The following EFCAB6 variants were observed in gnomAD, a reference collection of about 807,000 sequenced individuals.
The protein encoded by EFCAB6 is EF-hand calcium binding domain 6.
Under a neutral mutation model 169.8 loss-of-function variants are expected in EFCAB6, and 156 were observed. The ratio of observed to expected loss-of-function variants is 0.92; its 90% confidence interval spans 0.81 to 1.05. The LOEUF (loss-of-function observed/expected upper bound fraction) is 1.05. Ranked by LOEUF, EFCAB6 falls within the 50% of genes least tolerant of loss-of-function variation. EFCAB6 has a pLI of 0.00. For synonymous variants in EFCAB6, 698 were observed against 676.4 expected (o/e 1.03, Z -0.50); for missense variants, 1,800 against 1,829.1 (o/e 0.98, Z 0.29).
chr22:43,798,216 T>C (rs1362609017), intron 2 of EFCAB6, among the ~76,000 whole-genome samples: 1 of 152,116 alleles, frequency 6.6e-6, no homozygotes, highest in Non-Finnish European at 1.5e-5. Flanking sequence ...AAACCCCATC[T>C]CTACTAAAAA....
At chr22:43,785,535 T>A (rs1481503209) in intron 2 of EFCAB6, among the ~76,000 whole-genome samples, 11 of 150,054 alleles carry the variant, frequency 7.3e-5, no homozygotes, top group Admixed American at 6.8e-5. Context: ...AATTTGTAGA[T>A]GTTAATGCCT....
At chr22:43,649,110 GA>G (rs1319092749) in intron 17 of EFCAB6, among the ~76,000 whole-genome samples, 1 of 152,178 alleles carries the variant, frequency 6.6e-6, no homozygotes, top group Non-Finnish European at 1.5e-5. Flanking sequence ...GCCCGAGGGG[GA>G]AAAAAGTCCC....
At chr22:43,693,346 CT>C (rs1366180192) in intron 10 of EFCAB6, among the ~76,000 whole-genome samples, 3 of 151,802 alleles carry the variant, frequency 2.0e-5, no homozygotes, top group Non-Finnish European at 1.5e-5. Flanking sequence ...CCTGTATGGT[CT>C]TTCTCCCCAG....
rs183930763 is a variant in EFCAB6, at chr22:43,745,236, C to T, written c.508-9243G>A. Among the ~76,000 whole-genome samples, 12 of 152,268 alleles carry T rather than the reference C, an allele frequency of 7.9e-5. 1 individual carries two copies. Among genetic ancestry groups the T allele is most frequent in the Admixed American group, 7.9e-4 (12 of 15,284 alleles). On this transcript the variant is annotated intron_variant, in intron 6 of 31. Coordinates refer to ENST00000262726, the MANE Select transcript of EFCAB6 (RefSeq NM_022785.4). ...TGTGAACTCAAATAAATCTGACCAC[C>T]CAGGCTTTAAAGAAGATGAGAAAAG...
Position 43,644,827 on chromosome 22 carries a change from A to T in EFCAB6, c.1984-9611T>A, listed in dbSNP as rs74925473. ...AATGCTGAACCTAAGTGCAAGCTTC[A>T]AAAACTGAGACTGAGTAATCTGAAC... On this transcript the variant is annotated intron_variant, in intron 17 of 31. Coordinates refer to ENST00000262726, the MANE Select transcript of EFCAB6 (RefSeq NM_022785.4). Among the ~76,000 whole-genome samples, 365 of 152,354 alleles carry T rather than the reference A, an allele frequency of 2.4e-3. 2 individuals carry two copies. Among genetic ancestry groups the T allele is most frequent in the Non-Finnish European group, 4.4e-3 (300 of 68,028 alleles).
intron 21 of EFCAB6, among the ~76,000 whole-genome samples, chr22:43,614,527 G>GT (rs1365331669): frequency 6.6e-6 from 1 of 152,120 alleles, no homozygotes; most frequent in African/African-American, 2.4e-5. Context: ...TGAAACTCTC[G>GT]TAAGACGGCA....
chr22:43,807,431 C>G (rs1357420926), intron 2 of EFCAB6, among the ~76,000 whole-genome samples: 1 of 152,186 alleles, frequency 6.6e-6, no homozygotes, highest in Non-Finnish European at 1.5e-5. Flanking sequence ...CACAGACCAT[C>G]AAATACACTT....
intron 6 of EFCAB6, among the ~76,000 whole-genome samples, chr22:43,737,525 ACAC>A (rs1410445742): frequency 6.6e-6 from 1 of 151,178 alleles, no homozygotes; most frequent in African/African-American, 2.4e-5. Context: ...ACATGCACAC[ACAC>A]CATCACTCAC....
At position 43,744,356 on chromosome 22, in the gene EFCAB6, C is replaced by T. The variant is rs926887307; in HGVS notation, c.508-8363G>A. 1.3e-5 allele frequency among the ~76,000 whole-genome samples: 2 copies of T among 152,146 alleles called. No individual in the cohort carries two copies. Among genetic ancestry groups the T allele is most frequent in the Non-Finnish European group, 2.9e-5 (2 of 68,024 alleles). On this transcript the variant is annotated intron_variant, in intron 6 of 31. Coordinates refer to ENST00000262726, the MANE Select transcript of EFCAB6 (RefSeq NM_022785.4). This position sits in a 1 kb window ranked among gnomAD's most constrained non-coding sequence, Gnocchi z 4.3. ...CTGCAAAAAGGGTAGACAAGCATCT[C>T]ATTTCCCAGTGGATTCAGTGATCTG...
At chr22:43,673,932 A>C (rs1038428869) in intron 13 of EFCAB6, among the ~76,000 whole-genome samples, 2 of 150,458 alleles carry the variant, frequency 1.3e-5, no homozygotes, top group African/African-American at 4.9e-5. Context: ...GCGCCACTGC[A>C]CTCCAGCCTG....
At chr22:43,616,595 C>T (rs12158327) in intron 20 of EFCAB6, among the ~76,000 whole-genome samples, 14,822 of 113,220 alleles carry the variant, frequency 0.13, 814 homozygotes, top group Admixed American at 0.17. Flanking sequence ...ACCTGGGAGG[C>T]GGAGGTTGCA....
At chr22:43,712,718 CG>C (rs1299341809) in intron 9 of EFCAB6, among the ~76,000 whole-genome samples, 1 of 152,026 alleles carries the variant, frequency 6.6e-6, no homozygotes, top group African/African-American at 2.4e-5. Flanking sequence ...TGGTGTGTAG[CG>C]GGGGCTCGGT....
At chr22:43,582,031 G>C (rs192971848) in intron 24 of EFCAB6, among the ~76,000 whole-genome samples, 134 of 152,264 alleles carry the variant, frequency 8.8e-4, no homozygotes, top group Admixed American at 2.3e-3. Context: ...GAAGAAACAA[G>C]CAACTGTGCA....
chr22:43,733,227 A>C (rs1417788616), intron 7 of EFCAB6, among the ~76,000 whole-genome samples: 1 of 152,202 alleles, frequency 6.6e-6, no homozygotes, highest in Non-Finnish European at 1.5e-5. Context: ...GAGAAACCAG[A>C]AGACCCAATT....
intron 10 of EFCAB6, among the ~76,000 whole-genome samples, chr22:43,698,681 C>T (rs137810): frequency 0.037 from 5,674 of 152,218 alleles, 154 homozygotes; most frequent in Non-Finnish European, 0.053. Context: ...GCATTATATG[C>T]CTTAACCCAG....
Position 43,540,194 on chromosome 22 carries a change from G to A in EFCAB6, c.3812C>T (p.Thr1271Ile). 1 of 1,614,202 alleles carries A rather than the reference G, an allele frequency of 6.2e-7. No homozygotes were observed. Reference sequence around the variant, plus strand: ...AGTGGGCAATGAGAGGGCAGATCTGGTGCCTTCCGAGACGTCAGGGACACT... The same window carrying A: ...AGTGGGCAATGAGAGGGCAGATCTGATGCCTTCCGAGACGTCAGGGACACT... ...GSSVPDVSEGTRSALSLPTQE... is the reference protein window; with the variant it reads ...GSSVPDVSEGIRSALSLPTQE... The change falls in exon 28 of 32, where the codon ACC (threonine) becomes ATC (isoleucine). Residue 1271 changes from threonine to isoleucine, a missense_variant. Physicochemically the swap from Thr to Ile is moderately conservative, Grantham distance 89. Coordinates refer to ENST00000262726, the MANE Select transcript of EFCAB6 (RefSeq NM_022785.4).
chr22:43,787,593 T>A (rs1436962965), intron 2 of EFCAB6, among the ~76,000 whole-genome samples: 6 of 152,090 alleles, frequency 3.9e-5, no homozygotes, highest in Admixed American at 3.9e-4. Context: ...CACAATATTG[T>A]TGAAAGTAGA....
Position 43,600,230 on chromosome 22 carries a change from G to GT in EFCAB6, c.2714dup (p.Tyr905Ter), listed in dbSNP as rs769153915. The change falls in exon 23 of 32, where the codon TAC becomes TAAC. Residue 905 changes from tyrosine to a stop codon, truncating the protein, a stop_gained and frameshift_variant. Transcript: ENST00000262726. LOFTEE classifies it high-confidence loss of function. ...TACCCAATTTCTGTAAAAATTCCTG[G>GT]TAAGTAATGTGCCCTTTTCCCTCGG... ...YDTEGKGHIT[Y>*]QEFLQKLGIN... The GT allele has an allele frequency of 6.2e-7, 1 of 1,614,118 alleles. No homozygotes were observed. Among genetic ancestry groups the GT allele is most frequent in the Non-Finnish European group, 8.5e-7 (1 of 1,180,014 alleles).
intron 31 of EFCAB6, among the ~76,000 whole-genome samples, chr22:43,529,204 G>C (rs1028718201): frequency 2.0e-5 from 3 of 152,210 alleles, no homozygotes; most frequent in African/African-American, 7.2e-5. Context: ...GAGCAGACAG[G>C]AGGTTGATCA....
Sources: gnomAD v4.1 joint callset for allele counts (sites outside exome capture counted in the v4.1 genomes callset) on GRCh38, gnomAD v4.1.1 for gene constraint, Gnocchi (gnomAD v3.1) non-coding constraint, MANE v1.5 for transcripts, NCBI Gene and HGNC (gene_info 2026-07-23, HGNC 2026-07-21) for gene names.